Variants in DCTN1 observed in about 807,000 individuals in gnomAD.
DCTN1 encodes the protein dynactin subunit 1, also known as 150 kDa dynein-associated polypeptide.
In DCTN1, 61 loss-of-function variants were observed where a neutral mutation model predicts 161.2. The observed-to-expected ratio is 0.38, with a 90% CI of 0.31 to 0.47. The LOEUF (loss-of-function observed/expected upper bound fraction) is 0.47. DCTN1 is among the 20% of genes least tolerant of loss of function. The probability of loss-of-function intolerance (pLI) is 0.99; values close to 1 mark genes in which losing one functional copy is unlikely to be tolerated. For missense variants in DCTN1, 1,404 were observed against 1,623.7 expected (o/e 0.86, Z 2.33); for synonymous variants, 653 against 632.4 (o/e 1.03, Z -0.49).
intron 2 of DCTN1, 58 bp downstream of exon 2, chr2:74,377,942 C>G (rs1675319718): frequency 1.2e-6 from 2 of 1,608,188 alleles, no homozygotes; most frequent in Admixed American, 1.7e-5. Context: ...AACACATCAG[C>G]TGCACATGCG....
rs1277180548 is a variant in DCTN1, at chr2:74,361,225, G to C, written c.*274C>G. 2 of 600,220 alleles carry C rather than the reference G, an allele frequency of 3.3e-6. No homozygotes were observed. Among genetic ancestry groups the C allele is most frequent in the South Asian group, 1.5e-5 (1 of 65,394 alleles). The allele number at this position is 600,220 out of a possible 1,614,324, so 37.2% of individuals were successfully genotyped here. A position where few individuals can be genotyped will look rare whatever the true frequency, so the allele number is the denominator to read the frequency against. On this transcript the variant is annotated 3_prime_UTR_variant, in exon 32 of 32. Transcript: ENST00000628224. ...AAGGGGACCTCACTTAACCTTTGGT[G>C]GTGGGGTCTCAGCCTACCCCCCACA...
Position 74,363,118 on chromosome 2 carries a change from G to C in DCTN1, c.3405C>G (p.Ser1135=). The C allele has an allele frequency of 2.5e-5, 41 of 1,613,958 alleles. No individual in the cohort carries two copies. The highest frequency in any genetic ancestry group is 3.5e-5 in the Non-Finnish European group (41 of 1,179,948). The change falls in exon 29 of 32, where the codon TCC becomes TCG. Residue 1135 remains serine, a synonymous_variant. Coordinates refer to ENST00000628224, the MANE Select transcript of DCTN1 (RefSeq NM_004082.5). ...GTAACTCACTGCCAGGGCCCTCATG[G>C]GATAGCTTTGCAACATGCAGAGGGG... is the stretch of plus-strand genomic sequence containing the variant. The part of the protein sequence containing the change: ...SLPPLHVAKL[S]HEGPGSELPA...
chr2:74,376,798 C>G, intron 4 of DCTN1, 36 bp from the exon 5 acceptor site: 4 of 1,591,664 alleles, frequency 2.5e-6, no homozygotes, highest in Non-Finnish European at 3.4e-6. Context: ...AGTTAGAGAA[C>G]AGATGTCCTG....
chr2:74,368,734 A>C lies in DCTN1; in HGVS notation c.1848T>G (p.Ile616Met), dbSNP rs199812721. Residue 616 changes from isoleucine to methionine, a missense_variant, in exon 16 of 32, where the codon ATT (isoleucine) becomes ATG (methionine). Physicochemically the swap from Ile to Met is conservative, Grantham distance 10 (BLOSUM62 1). Transcript: ENST00000628224. ...TGTGATTGATTGGCCATACCTTGCA[A>C]ATGAGACGAGGCATGAGCAACAGCA... ...VLVLLLMPRLICKAELIRKQA... is the reference protein window; with the variant it reads ...VLVLLLMPRLMCKAELIRKQA... 2.5e-6 allele frequency: 4 copies of C among 1,614,250 alleles called. No individual in the cohort carries two copies. In the East Asian group the frequency reaches 6.7e-5, roughly 27 times the overall value.
chr2:74,383,168 A>G (rs1373996472), upstream of DCTN1, among the ~76,000 whole-genome samples: 1 of 152,220 alleles, frequency 6.6e-6, no homozygotes, highest in African/African-American at 2.4e-5. Context: ...CACAGTATGA[A>G]CAGAGGCAGA....
chr2:74,374,331 C>G lies in DCTN1; in HGVS notation c.424G>C (p.Ala142Pro), dbSNP rs372096285. ...RGLKPKKAPT[A>P]RKTTTRRPKP... ...AGAGCAAGCAAGAGTACCTTTCGGG[C>G]TGTCGGTGCCTGTCTCATCATTGCA... The change falls in exon 6 of 32, where the codon GCC becomes CCC. Residue 142 changes from alanine to proline, a missense_variant. By Grantham distance (27) the Ala-to-Pro change is conservative (BLOSUM62 -1). Coordinates refer to ENST00000628224, the MANE Select transcript of DCTN1 (RefSeq NM_004082.5). 1.9e-5 allele frequency: 31 copies of G among 1,613,344 alleles called. No homozygotes were observed. In the African/African-American group the frequency reaches 3.1e-4, roughly 16 times the overall value.
exon 1 of DCTN1, chr2:74,391,815 G>A (rs771911182): frequency 2.2e-6 from 1 of 453,836 alleles, no homozygotes; most frequent in South Asian, 1.6e-5. Context: ...GGGGCTCCGC[G>A]CCCAGCTCCG....
chr2:74,367,724 G>A lies in DCTN1; in HGVS notation c.2156C>T (p.Pro719Leu). 1.9e-6 allele frequency: 3 copies of A among 1,614,194 alleles called. No individual in the cohort carries two copies. The highest frequency in any genetic ancestry group is 1.3e-5 in the African/African-American group (1 of 75,038). ...ATAGTACTTGATGGCCTTGGTGAGA[G>A]GCTCCACATTGACAGTCTCATCCAG... ...DQLDETVNVE[P>L]LTKAIKYYQH... The change falls in exon 18 of 32, where the codon CCT becomes CTT. Residue 719 changes from proline (P) to leucine (L), a missense_variant. Transcript: ENST00000628224.
chr2:74,361,926 C>T (rs1301828022), intron 31 of DCTN1, 126 bp downstream of exon 31: 13 of 1,069,746 alleles, frequency 1.2e-5, no homozygotes, highest in Non-Finnish European at 1.8e-5. Context: ...TAAAATTTGG[C>T]CAGATAACCC....
chr2:74,370,749 G>C lies in DCTN1; in HGVS notation c.920C>G (p.Ala307Gly), dbSNP rs759253635. ...MADTADAIEM[A>G]TLDKEMAEER... ...TTCAGCCATCTCCTTGTCCAAAGTG[G>C]CCATCTCAATGGCATCAGCAGTATC... The change falls in exon 10 of 32, where the codon GCC becomes GGC. Residue 307 changes from alanine to glycine, a missense_variant. Ala to Gly is a moderately conservative substitution (Grantham distance 60, BLOSUM62 0). Around this residue, in one of 9 missense-constraint regions of DCTN1, gnomAD observed 67 missense variants for 116.3 expected, o/e 0.58. Coordinates refer to ENST00000628224, the MANE Select transcript of DCTN1 (RefSeq NM_004082.5). The surrounding 1 kb of genome is among the most constrained non-coding windows in gnomAD (Gnocchi z 4.4). 6.2e-7 allele frequency: 1 copy of C among 1,614,172 alleles called. No homozygotes were observed. Among genetic ancestry groups the C allele is most frequent in the Admixed American group, 1.7e-5 (1 of 60,024 alleles).
upstream of DCTN1, among the ~76,000 whole-genome samples, chr2:74,381,948 A>G (rs1344938829): frequency 2.6e-5 from 4 of 152,220 alleles, no homozygotes; most frequent in African/African-American, 9.6e-5. Context: ...GCCAGGGATG[A>G]TGCTGACAAG....
upstream of DCTN1, chr2:74,380,508 T>C (rs1314536897): frequency 2.1e-6 from 1 of 473,234 alleles, no homozygotes; most frequent in Non-Finnish European, 4.4e-6. Context: ...CCATCACTGT[T>C]CCCCTCTCCC....
In DCTN1 at chr2:74,390,676, T is replaced by G. The variant is rs201278901; in HGVS notation, c.-19+1118A>C. ...AACTTTCAATCCAGTGATCTATACT[T>G]TTGCTACTCAGATTGTGTTCCATGG... On this transcript the variant is annotated intron_variant, in intron 1 of 27. Transcript: ENST00000409240. 3.3e-5 allele frequency: 15 copies of G among 455,462 alleles called. No homozygotes were observed. In the Admixed American group the frequency reaches 3.8e-4, roughly 11 times the overall value. The allele number at this position is 455,462 out of a possible 1,614,324, so 28.2% of individuals were successfully genotyped here.
At chr2:74,371,910 G>A (rs1558943984) in intron 7 of DCTN1, 182 bp from the exon 8 acceptor site, 6 of 604,424 alleles carry the variant, frequency 9.9e-6, no homozygotes, top group Admixed American at 2.7e-5. Flanking sequence ...GATACAGAGA[G>A]GCAGAGAGAG....
rs886056330 is a variant in DCTN1 at position 74,369,498 on chromosome 2, C to T, written c.1393-7G>A. On this transcript the variant is annotated splice_polypyrimidine_tract_variant and splice_region_variant and intron_variant, in intron 13 of 31. Coordinates refer to ENST00000628224, the MANE Select transcript of DCTN1 (RefSeq NM_004082.5). The surrounding 1 kb of genome is among the most constrained non-coding windows in gnomAD (Gnocchi z 4.9). The stretch of plus-strand genomic sequence containing the variant: ...TCATCTCATTCATCGCTTCCTAGGA[C>T]ACCACACCATAGTTTGGGCTAAAGA... 6.2e-6 allele frequency: 10 copies of T among 1,611,604 alleles called. No homozygotes were observed. The highest frequency in any genetic ancestry group is 8.5e-6 in the Non-Finnish European group (10 of 1,179,964).
At chr2:74,391,850 G>GACCCTGCGGGGA (rs1304631880) in exon 1 of DCTN1, 1 of 453,696 alleles carries the variant, frequency 2.2e-6, no homozygotes, top group Admixed American at 2.3e-5. Context: ...CGACGCCCAA[G>GACCCTGCGGGGA]ACCCTGCGGG....
chr2:74,376,785 C>G, intron 4 of DCTN1, 23 bp from the exon 5 acceptor site: 1 of 1,599,244 alleles, frequency 6.3e-7, no homozygotes, highest in Admixed American at 1.7e-5. Context: ...TAGGAAAGGG[C>G]AGAGTTAGAG....
chr2:74,367,996 G>C lies in DCTN1; in HGVS notation c.1990C>G (p.Gln664Glu). The C allele has an allele frequency of 6.2e-7, 1 of 1,614,228 alleles. No individual in the cohort carries two copies. The highest frequency in any genetic ancestry group is 2.2e-5 in the East Asian group (1 of 44,878). The change falls in exon 17 of 32, where the codon CAG (glutamine) becomes GAG (glutamate). Residue 664 changes from glutamine (Q) to glutamate (E), a missense_variant. By Grantham distance (29) the Gln-to-Glu change is conservative. Around this residue, in one of 9 missense-constraint regions of DCTN1, gnomAD observed 475 missense variants for 489.8 expected, o/e 0.97. Transcript: ENST00000628224. ...AGLVYSLSLL[Q>E]ATLHRYEHAL... is the part of the protein sequence containing the mutation. Reference sequence around the variant, plus strand: ...TGCTCATAGCGGTGTAGCGTGGCCTGCAGCAGGCTCAGCGAGTACACCAGT... The same window carrying C: ...TGCTCATAGCGGTGTAGCGTGGCCTCCAGCAGGCTCAGCGAGTACACCAGT...
intron 5 of DCTN1, among the ~76,000 whole-genome samples, chr2:74,375,306 G>C (rs1002222676): frequency 2.0e-5 from 3 of 152,210 alleles, no homozygotes; most frequent in Admixed American, 6.5e-5. Context: ...GTTTTCTTCT[G>C]CCTTCCCCTT....
Sources: gnomAD v4.1 joint callset for allele counts (sites outside exome capture counted in the v4.1 genomes callset) on GRCh38, gnomAD v4.1.1 for gene constraint, gnomAD v4.1.1 regional missense constraint, Gnocchi (gnomAD v3.1) non-coding constraint, MANE v1.5 for transcripts, NCBI Gene and HGNC (gene_info 2026-07-23, HGNC 2026-07-21) for gene names.